PARP6: variants seen among roughly 807,000 people sequenced by gnomAD.
The protein encoded by PARP6 is protein mono-ADP-ribosyltransferase PARP6.
In PARP6, 27 loss-of-function variants were observed where a neutral mutation model predicts 92.0. The observed-to-expected ratio is 0.29, with a 90% CI of 0.22 to 0.40. The LOEUF is 0.40. Ranked by LOEUF, PARP6 falls within the 10% of genes least tolerant of loss-of-function variation. The pLI, the probability that PARP6 is intolerant of heterozygous loss-of-function variation, is 1.00. For synonymous variants in PARP6, 272 were observed against 281.2 expected, an observed-to-expected ratio of 0.97 and a Z score of 0.33; for missense variants, 501 against 784.5, an observed-to-expected ratio of 0.64 and a Z score of 4.32.
chr15:72,249,532 G>T (rs2084057347), intron 19 of PARP6, among the ~76,000 whole-genome samples: 1 of 152,222 alleles, frequency 6.6e-6, no homozygotes, highest in Non-Finnish European at 1.5e-5. Context: ...TCGAGAGTGG[G>T]AAATGGTAGA....
chr15:72,259,508 A>C, intron 11 of PARP6, 100 bp downstream of exon 11: 1 of 916,832 alleles, frequency 1.1e-6, no homozygotes, highest in Non-Finnish European at 1.8e-6. Flanking sequence ...GAAGCAAAGC[A>C]ATTCAGAAAG....
chr15:72,250,222 A>C, intron 18 of PARP6, 130 bp from the exon 19 acceptor site: 1 of 671,088 alleles, frequency 1.5e-6, no homozygotes. Flanking sequence ...AGTGATGGAC[A>C]TGCACATGGA....
chr15:72,264,451 T>G (rs2086297331), intron 8 of PARP6, 104 bp downstream of exon 8: 1 of 824,380 alleles, frequency 1.2e-6, no homozygotes, highest in Non-Finnish European at 2.0e-6. Flanking sequence ...AAGACATTTT[T>G]GGAAGGGGGC....
rs2085265804 is a variant in PARP6 at position 72,257,265 on chromosome 15, A to G, written c.999+83T>C. ...ATCTTATATACAAAAGCATTTTTGG[A>G]AGTTAAATTCCAAGAATGAAATTGC... On this transcript the variant is annotated intron_variant, in intron 13 of 23. Coordinates refer to ENST00000569795, the MANE Select transcript of PARP6 (RefSeq NM_001323532.2). 5.1e-5 allele frequency: 50 copies of G among 982,070 alleles called. 1 individual carries two copies. In the South Asian group the frequency reaches 6.4e-4, roughly 13 times the overall value. 60.8% of individuals were successfully genotyped at this position (982,070 alleles called of 1,614,324 possible).
chr15:72,257,779 T>C (rs1432085812), intron 12 of PARP6, among the ~76,000 whole-genome samples: 1 of 152,246 alleles, frequency 6.6e-6, no homozygotes, highest in Non-Finnish European at 1.5e-5. Flanking sequence ...GACAGCATCA[T>C]ATCCAATCAT....
intron 20 of PARP6, among the ~76,000 whole-genome samples, chr15:72,246,071 A>C (rs1162102596): frequency 6.6e-6 from 1 of 152,244 alleles, no homozygotes; most frequent in Non-Finnish European, 1.5e-5. Context: ...AGTAAGATTC[A>C]CTCATATATT....
Position 72,257,505 on chromosome 15 carries a change from G to T in PARP6, c.907-65C>A, listed in dbSNP as rs2141010378. On this transcript the variant is annotated intron_variant, in intron 12 of 23. Coordinates refer to ENST00000569795, the MANE Select transcript of PARP6 (RefSeq NM_001323532.2). ...GTGCAATAAGGTGTAGGCAGAGAGG[G>T]ACAGTCCTAACCTCAGACAACTCTA... The T allele has an allele frequency of 9.9e-6, 13 of 1,313,892 alleles. No homozygotes were observed. In the South Asian group the frequency reaches 1.4e-4, roughly 14 times the overall value. 81.4% of individuals were successfully genotyped at this position (1,313,892 alleles called of 1,614,324 possible).
chr15:72,249,085 T>A, intron 20 of PARP6, 160 bp downstream of exon 20: 1 of 424,166 alleles, frequency 2.4e-6, no homozygotes, highest in Non-Finnish European at 4.2e-6. Context: ...AAATTTCTAA[T>A]AAGAAAATGT....
At chr15:72,269,776 G>A (rs1438430440) in intron 2 of PARP6, among the ~76,000 whole-genome samples, 1 of 151,818 alleles carries the variant, frequency 6.6e-6, no homozygotes, top group East Asian at 1.9e-4. Context: ...GTGCACGCCT[G>A]TAATCCCAGC....
At chr15:72,259,371 C>T (rs11637611) in intron 11 of PARP6, among the ~76,000 whole-genome samples, 95,197 of 152,118 alleles carry the variant, frequency 0.63, 31,423 homozygotes, top group Middle Eastern at 0.74. Flanking sequence ...TCTCGACACT[C>T]ATACACTTAA....
intron 5 of PARP6, 22 bp downstream of exon 5, chr15:72,265,875 C>A (rs764677110): frequency 5.9e-6 from 9 of 1,530,208 alleles, no homozygotes; most frequent in Non-Finnish European, 6.3e-6. Context: ...GCTCCCCTGC[C>A]ACCCCTGAAG....
At chr15:72,257,503 G>A in intron 12 of PARP6, 63 bp from the exon 13 acceptor site, 1 of 1,325,616 alleles carries the variant, frequency 7.5e-7, no homozygotes, top group South Asian at 1.2e-5. Context: ...TAGGCAGAGA[G>A]GGACAGTCCT....
chr15:72,248,947 A>T (rs1295108632), intron 20 of PARP6, among the ~76,000 whole-genome samples: 1 of 152,206 alleles, frequency 6.6e-6, no homozygotes, highest in Non-Finnish European at 1.5e-5. Flanking sequence ...AATTGCCAAC[A>T]CCAAACGTGT....
chr15:72,251,059 C>A, intron 17 of PARP6, 105 bp from the exon 18 acceptor site: 1 of 1,005,238 alleles, frequency 9.9e-7, no homozygotes, highest in Non-Finnish European at 1.6e-6. Context: ...ATTAACCCCA[C>A]ACAAGGGAAA....
chr15:72,253,522 T>TA lies in PARP6; in HGVS notation c.1192-19dup. On this transcript the variant is annotated intron_variant, in intron 15 of 23. Transcript: ENST00000569795. The stretch of plus-strand genomic sequence containing the variant: ...TATGAGCCCTGTAAGACAATGGCCA[T>TA]AACGTTATCTCCTTGGAGAGGTGGG... 1 of 1,605,384 alleles carries TA rather than the reference T, an allele frequency of 6.2e-7. No individual in the cohort carries two copies. The highest frequency in any genetic ancestry group is 1.1e-5 in the South Asian group (1 of 90,770).
In PARP6 at chr15:72,250,041, A is replaced by G; in HGVS notation, c.1470T>C (p.Asn490=). 2 of 1,611,040 alleles carry G rather than the reference A, an allele frequency of 1.2e-6. No homozygotes were observed. The highest frequency in any genetic ancestry group is 8.5e-7 in the Non-Finnish European group (1 of 1,177,186). The change falls in exon 19 of 24, where the codon AAT becomes AAC. Residue 490 remains asparagine (N), a synonymous_variant. Coordinates refer to ENST00000569795, the MANE Select transcript of PARP6 (RefSeq NM_001323532.2). The part of the protein sequence containing the change: ...WHSILRNGLV[N]ASYTKLQLHG... ...TCACCTGCAGTTTGGTGTAGGATGC[A>G]TTGACCAGCCCATTGCGCAGGATCG...
In PARP6 at chr15:72,264,587, C is replaced by G; in HGVS notation, c.363G>C (p.Lys121Asn). ...ACTGAAGACCCAGCCCAAATCCTTC[C>G]TTATTTGATGGCTGGAAAACCTCAA... The part of the protein sequence containing the change: ...PSIEVFQPSN[K>N]EGFGLGLQLK... The change falls in exon 8 of 24, where the codon AAG becomes AAC. Residue 121 changes from lysine to asparagine, a missense_variant. This residue lies in a region of PARP6 where 291 missense variants were observed against 352.0 expected (regional missense o/e 0.83). Transcript: ENST00000569795. 6.2e-7 allele frequency: 1 copy of G among 1,614,032 alleles called. No homozygotes were observed. The highest frequency in any genetic ancestry group is 1.3e-5 in the African/African-American group (1 of 75,038).
At chr15:72,268,021 G>C (rs1417900340) in intron 2 of PARP6, among the ~76,000 whole-genome samples, 3 of 152,120 alleles carry the variant, frequency 2.0e-5, no homozygotes, top group Non-Finnish European at 4.4e-5. Flanking sequence ...CAAATTGCTG[G>C]GAATACAGGC....
At chr15:72,257,063 A>G (rs989634894) in intron 13 of PARP6, among the ~76,000 whole-genome samples, 1 of 152,048 alleles carries the variant, frequency 6.6e-6, no homozygotes, top group Non-Finnish European at 1.5e-5. Flanking sequence ...TTACATGGAC[A>G]ATTTTACTAC....
Sources: gnomAD v4.1 joint callset for allele counts (sites outside exome capture counted in the v4.1 genomes callset) on GRCh38, gnomAD v4.1.1 for gene constraint, gnomAD v4.1.1 regional missense constraint, MANE v1.5 for transcripts, NCBI Gene and HGNC (gene_info 2026-07-23, HGNC 2026-07-21) for gene names.